HMCN2: variants seen among roughly 807,000 people sequenced by gnomAD.
The protein encoded by HMCN2 is hemicentin 2.
In HMCN2, 325 loss-of-function variants were observed where a neutral mutation model predicts 377.5. That is an observed-to-expected ratio of 0.86 (90% CI 0.79 to 0.94). The LOEUF is 0.94. HMCN2 is among the 40% of genes least tolerant of loss of function. The pLI is 0.00. For synonymous variants in HMCN2, 2,007 were observed against 2,046.8 expected, an observed-to-expected ratio of 0.98 and a Z score of 0.53; for missense variants, 4,543 against 4,725.3, an observed-to-expected ratio of 0.96 and a Z score of 1.13.
At chr9:130,376,944 C>G (rs1329007210) in intron 52 of HMCN2, among the ~76,000 whole-genome samples, 2 of 151,022 alleles carry the variant, frequency 1.3e-5, no homozygotes, top group African/African-American at 4.9e-5. Context: ...ATTACAGGTG[C>G]CCGCCACCAT....
Position 130,391,503 on chromosome 9 carries a change from CG to C in HMCN2, c.9884del (p.Gly3295ValfsTer20). Reference sequence around the variant, plus strand: ...CTAAAAGGCCTGAGGGCCTCGGACGCGGGTGCCTACACCTGCGTGGCCCACA... The same window carrying C: ...CTAAAAGGCCTGAGGGCCTCGGACGCGGTGCCTACACCTGCGTGGCCCACA... ...LVLKGLRASD[A>X]GAYTCVAHNP... On this transcript the variant is annotated frameshift_variant, in exon 65 of 98. Transcript: ENST00000683500. LOFTEE classifies it high-confidence loss of function. 1 of 987,834 alleles carries C rather than the reference CG, an allele frequency of 1.0e-6. No individual in the cohort carries two copies. The highest frequency in any genetic ancestry group is 1.2e-6 in the Non-Finnish European group (1 of 830,154). The allele number at this position is 987,834 out of a possible 1,614,324, so 61.2% of individuals were successfully genotyped here.
intron 85 of HMCN2, among the ~76,000 whole-genome samples, chr9:130,413,362 T>C (rs1483181520): frequency 6.6e-6 from 1 of 152,180 alleles, no homozygotes; most frequent in Admixed American, 6.5e-5. Flanking sequence ...TCTCTCACCA[T>C]GGGGCGTGAT....
At chr9:130,398,837 G>A in intron 75 of HMCN2, 130 bp downstream of exon 75, 3 of 784,124 alleles carry the variant, frequency 3.8e-6, no homozygotes, top group Non-Finnish European at 5.3e-6. Context: ...ACCAGAACTT[G>A]TGTCTCAACT....
intron 1 of HMCN2, among the ~76,000 whole-genome samples, chr9:130,282,228 CT>C (rs1347674419): frequency 3.7e-4 from 56 of 152,066 alleles, no homozygotes; most frequent in African/African-American, 1.3e-3. Context: ...TTCCCATTTG[CT>C]GAGCCTTTGC....
intron 24 of HMCN2, among the ~76,000 whole-genome samples, chr9:130,342,048 TAAATAA>T (rs1427197982): frequency 6.7e-6 from 1 of 150,048 alleles, no homozygotes; most frequent in Non-Finnish European, 1.5e-5. Flanking sequence ...AATAAATAAA[TAAATAA>T]ATAAATAAAA....
chr9:130,427,589 G>A lies in HMCN2; in HGVS notation c.14035G>A (p.Ala4679Thr), dbSNP rs146183501. 2,352 of 1,550,450 alleles carry A rather than the reference G, an allele frequency of 1.5e-3. 25 individuals are homozygous for A. In the African/African-American group the frequency reaches 0.021, roughly 14 times the overall value. ...RFSCTCPTGFALAWDDRNCRD... is the reference protein window; with the variant it reads ...RFSCTCPTGFTLAWDDRNCRD... ...CTCCTGCACCTGCCCCACTGGCTTC[G>A]CCCTGGCCTGGGATGACAGGAACTG... Residue 4679 changes from alanine (A) to threonine (T), a missense_variant, in exon 92 of 98, where the codon GCC becomes ACC. Physicochemically the swap from Ala to Thr is moderately conservative, Grantham distance 58 (BLOSUM62 0). This residue lies in a region of HMCN2 where 1,155 missense variants were observed against 1,157.7 expected (regional missense o/e 1.00). Transcript: ENST00000683500.
rs1837816408 is a variant in HMCN2, at chr9:130,320,890, A to T, written c.2762A>T (p.Lys921Met). The change falls in exon 18 of 98, where the codon AAG becomes ATG. Residue 921 changes from lysine (K) to methionine (M), a missense_variant. By Grantham distance (95) the Lys-to-Met change is moderately conservative. Transcript: ENST00000683500. The part of the protein sequence containing the change: ...GRPLPERHWL[K>M]DGRPLPPGSR... Reference sequence around the variant, plus strand: ...CCCCTCCCGGAAAGGCACTGGCTCAAGGACGGCCGGCCCGTGAGTGTCGGG... The same window carrying T: ...CCCCTCCCGGAAAGGCACTGGCTCATGGACGGCCGGCCCGTGAGTGTCGGG... The T allele has an allele frequency of 6.6e-6, 1 of 152,282 alleles. No individual in the cohort carries two copies. The highest frequency in any genetic ancestry group is 1.5e-5 in the Non-Finnish European group (1 of 68,120). The allele number at this position is 152,282 out of a possible 1,614,324, so 9.4% of individuals were successfully genotyped here.
At chr9:130,395,712 G>A (rs997915409) in intron 71 of HMCN2, among the ~76,000 whole-genome samples, 5 of 152,144 alleles carry the variant, frequency 3.3e-5, no homozygotes, top group Admixed American at 6.5e-5. Context: ...TGTTCTGACA[G>A]GAACTCCAGA....
At chr9:130,354,024 G>T (rs1324160457) in intron 31 of HMCN2, among the ~76,000 whole-genome samples, 1 of 152,162 alleles carries the variant, frequency 6.6e-6, no homozygotes, top group Non-Finnish European at 1.5e-5. Context: ...AGATGGCCCC[G>T]CCGCTAGCTC....
intron 13 of HMCN2, 105 bp downstream of exon 13, chr9:130,307,043 C>T (rs186987800): frequency 4.5e-5 from 17 of 373,792 alleles, no homozygotes; most frequent in African/African-American, 2.3e-4. Flanking sequence ...TGTCACGCAC[C>T]GGGGACACGG....
intron 1 of HMCN2, among the ~76,000 whole-genome samples, chr9:130,270,227 TG>T (rs1834342113): frequency 1.8e-5 from 1 of 56,008 alleles, no homozygotes; most frequent in Non-Finnish European, 3.3e-5. Context: ...AGAAATCTAT[TG>T]TTTTTTTTCT....
In HMCN2 at chr9:130,372,334, C is replaced by T; in HGVS notation, c.7278C>T (p.Asp2426=). 1.0e-6 allele frequency: 1 copy of T among 986,008 alleles called. No individual in the cohort carries two copies. Among genetic ancestry groups the T allele is most frequent in the Non-Finnish European group, 1.2e-6 (1 of 830,070 alleles). 61.1% of individuals were successfully genotyped at this position (986,008 alleles called of 1,614,324 possible). ...MLKMTQTQEQ[D]SGLYSCLASN... is the part of the protein sequence containing the mutation. ...AGATGACTCAGACACAGGAGCAAGA[C>T]AGTGGCCTCTACTCATGCCTGGCAA... Residue 2426 remains aspartate (D), a synonymous_variant, in exon 47 of 98, where the codon GAC becomes GAT. Coordinates refer to ENST00000683500, the MANE Select transcript of HMCN2 (RefSeq NM_001291815.2).
intron 19 of HMCN2, among the ~76,000 whole-genome samples, chr9:130,324,589 T>A (rs1344546034): frequency 6.6e-6 from 1 of 152,106 alleles, no homozygotes; most frequent in East Asian, 1.9e-4. Flanking sequence ...TTATTTTTTA[T>A]TTTTATTTTA....
intron 54 of HMCN2, among the ~76,000 whole-genome samples, chr9:130,380,935 C>T (rs934503178): frequency 6.1e-4 from 21 of 34,420 alleles, no homozygotes; most frequent in African/African-American, 8.5e-4. Context: ...GTCCTGGGTG[C>T]ACAGTAGGCT....
At chr9:130,391,394 C>T (rs912757080) in intron 64 of HMCN2, 31 bp downstream of exon 64, 63 of 987,670 alleles carry the variant, frequency 6.4e-5, no homozygotes, top group Non-Finnish European at 7.2e-5. Context: ...TCCCCAGAGG[C>T]GGTAGGGCCC....
intron 76 of HMCN2, chr9:130,400,362 A>G (rs1335030123): frequency 1.9e-5 from 3 of 161,618 alleles, no homozygotes; most frequent in Non-Finnish European, 4.0e-5. Context: ...ATAGTGCACT[A>G]TGCTGATTGG....
At chr9:130,378,865 A>T (rs901833870) in intron 53 of HMCN2, among the ~76,000 whole-genome samples, 7 of 152,124 alleles carry the variant, frequency 4.6e-5, no homozygotes, top group Non-Finnish European at 7.4e-5. Flanking sequence ...AATGCAGGTG[A>T]TCAGAGCAGG....
At chr9:130,296,608 C>T in intron 6 of HMCN2, 66 bp from the exon 7 acceptor site, 1 of 455,972 alleles carries the variant, frequency 2.2e-6, no homozygotes, top group Non-Finnish European at 4.6e-6. Flanking sequence ...GGTTGGTCAC[C>T]TCCTGCCCTA....
At position 130,356,189 on chromosome 9, in the gene HMCN2, G is replaced by A; in HGVS notation, c.5357G>A (p.Gly1786Asp). 1 of 1,303,136 alleles carries A rather than the reference G, an allele frequency of 7.7e-7. No homozygotes were observed. The highest frequency in any genetic ancestry group is 1.0e-6 in the Non-Finnish European group (1 of 988,848). 80.7% of individuals were successfully genotyped at this position (1,303,136 alleles called of 1,614,324 possible). ...GACCATGTGGAGCTGGACCACTCAGGCCTCTTCGCCTGCCAGGCCACCAAT... is the reference window on the plus strand; with the variant it reads ...GACCATGTGGAGCTGGACCACTCAGACCTCTTCGCCTGCCAGGCCACCAAT... The part of the protein sequence containing the change: ...HIDHVELDHS[G>D]LFACQATNEA... The change falls in exon 34 of 98, where the codon GGC becomes GAC. Residue 1786 changes from glycine to aspartate, a missense_variant. By Grantham distance (94) the Gly-to-Asp change is moderately conservative (BLOSUM62 -1). Transcript: ENST00000683500.
Sources: gnomAD v4.1 joint callset for allele counts (sites outside exome capture counted in the v4.1 genomes callset) on GRCh38, gnomAD v4.1.1 for gene constraint, gnomAD v4.1.1 regional missense constraint, MANE v1.5 for transcripts, NCBI Gene and HGNC (gene_info 2026-07-23, HGNC 2026-07-21) for gene names.